MMAB: variants seen among roughly 807,000 people sequenced by gnomAD.
MMAB encodes corrinoid adenosyltransferase MMAB.
In MMAB, 17 loss-of-function variants were observed where a neutral mutation model predicts 30.6. That is an observed-to-expected ratio of 0.56 (90% CI 0.38 to 0.83). MMAB has a LOEUF of 0.83. Among genes scored for constraint, MMAB ranks in the 40% least tolerant of loss-of-function variants. The pLI is 0.00. For synonymous variants in MMAB, 134 were observed against 138.6 expected, an observed-to-expected ratio of 0.97 and a Z score of 0.23; for missense variants, 311 against 331.6, an observed-to-expected ratio of 0.94 and a Z score of 0.48.
In MMAB at chr12:109,561,547, C is replaced by T. The variant is rs774843809; in HGVS notation, c.422-30G>A. 5.9e-6 allele frequency: 9 copies of T among 1,527,152 alleles called. No homozygotes were observed. Among genetic ancestry groups the T allele is most frequent in the Non-Finnish European group, 8.0e-6 (9 of 1,131,160 alleles). The allele number at this position is 1,527,152 out of a possible 1,614,324, so 94.6% of individuals were successfully genotyped here. A position where few individuals can be genotyped will look rare whatever the true frequency, so the allele number is the denominator to read the frequency against. On this transcript the variant is annotated intron_variant, in intron 5 of 8. Transcript: ENST00000545712. The surrounding 1 kb of genome is among the most constrained non-coding windows in gnomAD (Gnocchi z 5.3). ...GGAGCCAAGGAGCAGAGGGAACTGC[C>T]ATGAGGCCATCACCCACCAGACCAT...
rs780938959 is a variant in MMAB, at chr12:109,555,289, T to TG, written c.*1738_*1739insC. On this transcript the variant is annotated 3_prime_UTR_variant, in exon 9 of 9. Transcript: ENST00000545712. Reference sequence around the variant, plus strand: ...GCGTTTTCAGGGTTTTTTTTTTTTTTTTTTTTTTTTTGTGACGGAGTCTCA... The same window carrying TG: ...GCGTTTTCAGGGTTTTTTTTTTTTTTGTTTTTTTTTTTGTGACGGAGTCTCA... The TG allele has an allele frequency of 1.4e-5, 6 of 421,708 alleles. No homozygotes were observed. In the African/African-American group the frequency reaches 1.4e-4, roughly 10 times the overall value. The allele number at this position is 421,708 out of a possible 1,614,324, so 26.1% of individuals were successfully genotyped here.
At chr12:109,563,280 G>A (rs1223909938) in intron 4 of MMAB, among the ~76,000 whole-genome samples, 1 of 152,240 alleles carries the variant, frequency 6.6e-6, no homozygotes, top group Admixed American at 6.5e-5. Flanking sequence ...GCCTGGCTGT[G>A]GGGGCTGGGC....
At position 109,553,854 on chromosome 12, in the gene MMAB, C is replaced by G. The variant is rs1425762075; in HGVS notation, c.*3174G>C. On this transcript the variant is annotated 3_prime_UTR_variant, in exon 9 of 9. Coordinates refer to ENST00000545712, the MANE Select transcript of MMAB (RefSeq NM_052845.4). ...AACTGAATGGGCTGTCGGAAGGTGTCGAGGCAGCAGCAAGGGTGACATTGC... is the reference window on the plus strand; with the variant it reads ...AACTGAATGGGCTGTCGGAAGGTGTGGAGGCAGCAGCAAGGGTGACATTGC... 2 of 453,888 alleles carry G rather than the reference C, an allele frequency of 4.4e-6. No individual in the cohort carries two copies. The highest frequency in any genetic ancestry group is 4.0e-5 in the African/African-American group (2 of 49,964). 28.1% of individuals were successfully genotyped at this position (453,888 alleles called of 1,614,324 possible). A position where few individuals can be genotyped will look rare whatever the true frequency, so the allele number is the denominator to read the frequency against.
intron 4 of MMAB, among the ~76,000 whole-genome samples, chr12:109,563,188 T>G (rs1318702072): frequency 6.6e-6 from 1 of 152,178 alleles, no homozygotes; most frequent in Non-Finnish European, 1.5e-5. Context: ...TACTACCCAC[T>G]TGGTTGGCCA....
intron 3 of MMAB, among the ~76,000 whole-genome samples, chr12:109,566,615 G>T (rs556401404): frequency 6.6e-6 from 1 of 152,376 alleles, no homozygotes; most frequent in Non-Finnish European, 1.5e-5. Flanking sequence ...CCTCGTAGCT[G>T]CCCAGTGAGT....
Position 109,556,024 on chromosome 12 carries a change from A to G in MMAB, c.*1004T>C. On this transcript the variant is annotated 3_prime_UTR_variant, in exon 9 of 9. Coordinates refer to ENST00000545712, the MANE Select transcript of MMAB (RefSeq NM_052845.4). ...CCTTCCAAAGTCATTTCCTGCAATT[A>G]GCAGCCTGCAGTCTTTAGGTTCTTG... The G allele has an allele frequency of 2.2e-6, 1 of 454,082 alleles. No homozygotes were observed. Among genetic ancestry groups the G allele is most frequent in the South Asian group, 1.6e-5 (1 of 64,476 alleles). The allele number at this position is 454,082 out of a possible 1,614,324, so 28.1% of individuals were successfully genotyped here. A position where few individuals can be genotyped will look rare whatever the true frequency, so the allele number is the denominator to read the frequency against.
chr12:109,572,239 AT>A (rs1457628296), intron 1 of MMAB, among the ~76,000 whole-genome samples: 1 of 150,100 alleles, frequency 6.7e-6, no homozygotes, highest in Non-Finnish European at 1.5e-5. Flanking sequence ...TTATTTATTT[AT>A]TTATTATTAT....
At chr12:109,568,912 A>G in intron 2 of MMAB, 49 bp from the exon 3 acceptor site, 1 of 1,317,048 alleles carries the variant, frequency 7.6e-7, no homozygotes, top group Non-Finnish European at 1.1e-6. Flanking sequence ...TGTTTTCCTG[A>G]TATGCTGTTT....
Position 109,554,060 on chromosome 12 carries a change from C to T in MMAB, c.*2968G>A. ...AGAGCCTGGCATTGTTCGCCACAGCCCAGGTAGTGATTAAAACGACTGTCA... is the reference window on the plus strand; with the variant it reads ...AGAGCCTGGCATTGTTCGCCACAGCTCAGGTAGTGATTAAAACGACTGTCA... On this transcript the variant is annotated 3_prime_UTR_variant, in exon 9 of 9. Coordinates refer to ENST00000545712, the MANE Select transcript of MMAB (RefSeq NM_052845.4). The T allele has an allele frequency of 4.4e-6, 2 of 454,056 alleles. 1 individual carries two copies. Among genetic ancestry groups the T allele is most frequent in the Non-Finnish European group, 8.8e-6 (2 of 226,776 alleles). 28.1% of individuals were successfully genotyped at this position (454,056 alleles called of 1,614,324 possible).
intron 4 of MMAB, among the ~76,000 whole-genome samples, 199 bp from the exon 5 acceptor site, chr12:109,562,051 G>A (rs1884232278): frequency 6.6e-6 from 1 of 152,176 alleles, no homozygotes; most frequent in Admixed American, 6.5e-5. Flanking sequence ...GGGCCTGGTG[G>A]GAGGTGATTG....
At position 109,568,768 on chromosome 12, in the gene MMAB, A is replaced by AC; in HGVS notation, c.290+1dup. 1 of 1,612,072 alleles carries AC rather than the reference A, an allele frequency of 6.2e-7. No homozygotes were observed. The highest frequency in any genetic ancestry group is 8.5e-7 in the Non-Finnish European group (1 of 1,178,080). On this transcript the variant is annotated splice_donor_variant, in intron 3 of 8. Transcript: ENST00000545712. LOFTEE classifies it high-confidence loss of function. ...CCTCAAGGCCAATCCTGTCCCCCTTACCCAATAGCTGAACTTAATTCATCT... is the reference window on the plus strand; with the variant it reads ...CCTCAAGGCCAATCCTGTCCCCCTTACCCCAATAGCTGAACTTAATTCATCT...
Position 109,573,415 on chromosome 12 carries a change from G to A in MMAB, c.66C>T (p.Phe22=), listed in dbSNP as rs765869812. Reference sequence around the variant, plus strand: ...GGGGATACAGGAGCCTGGCGGCGCCGAAGCACCCGCGCAGGCCAAGACGGC... The same window carrying A: ...GGGGATACAGGAGCCTGGCGGCGCCAAAGCACCCGCGCAGGCCAAGACGGC... ...LGSRLGLRGC[F]GAARLLYPRF... is the part of the protein sequence containing the mutation. Residue 22 remains phenylalanine, a synonymous_variant, in exon 1 of 9, where the codon TTC becomes TTT. Transcript: ENST00000545712. 24 of 1,610,022 alleles carry A rather than the reference G, an allele frequency of 1.5e-5. No homozygotes were observed. The highest frequency in any genetic ancestry group is 2.0e-5 in the Non-Finnish European group (23 of 1,179,168).
At position 109,558,229 on chromosome 12, in the gene MMAB, C is replaced by T. The variant is rs553805831; in HGVS notation, c.644+867G>A. ...CTGTTGCTTGTTGGCTCTGTGAAGC[C>T]TCACTGAGGAGATGAAATGGCCTGT... On this transcript the variant is annotated intron_variant, in intron 8 of 8. Transcript: ENST00000545712. This position sits in a 1 kb window ranked among gnomAD's most constrained non-coding sequence, Gnocchi z 4.3. Among the ~76,000 whole-genome samples, 205 of 152,324 alleles carry T rather than the reference C, an allele frequency of 1.3e-3. No individual in the cohort carries two copies. The highest frequency in any genetic ancestry group is 4.8e-3 in the African/African-American group (200 of 41,584).
At chr12:109,566,870 G>C in intron 3 of MMAB, 1 of 425,194 alleles carries the variant, frequency 2.4e-6, no homozygotes, top group Non-Finnish European at 4.8e-6. Context: ...TGCGAGAACT[G>C]GCCTTTTCTC....
intron 2 of MMAB, 56 bp from the exon 3 acceptor site, chr12:109,568,919 GTTTT>G: frequency 1.0e-6 from 1 of 953,532 alleles, no homozygotes; most frequent in Non-Finnish European, 1.6e-6. Context: ...CTGATATGCT[GTTTT>G]TTTTTTTTTA....
At chr12:109,563,426 C>T (rs1390222192) in intron 4 of MMAB, among the ~76,000 whole-genome samples, 1 of 152,216 alleles carries the variant, frequency 6.6e-6, no homozygotes, top group African/African-American at 2.4e-5. Context: ...ATCCACAGGC[C>T]CTGCGAGCGG....
chr12:109,556,703 C>A lies in MMAB; in HGVS notation c.*325G>T. ...ACACACACACACACACGGCTCCAGC[C>A]TTTCCAACTTTTATTCCTTTTCCGC... On this transcript the variant is annotated 3_prime_UTR_variant, in exon 9 of 9. Coordinates refer to ENST00000545712, the MANE Select transcript of MMAB (RefSeq NM_052845.4). The A allele has an allele frequency of 2.1e-6, 1 of 483,608 alleles. No individual in the cohort carries two copies. The highest frequency in any genetic ancestry group is 4.1e-6 in the Non-Finnish European group (1 of 246,626). The allele number at this position is 483,608 out of a possible 1,614,324, so 30.0% of individuals were successfully genotyped here.
rs886093880 is a variant in MMAB, at chr12:109,555,339, G to A, written c.*1689C>T. The A allele has an allele frequency of 9.6e-5, 41 of 425,606 alleles. No individual in the cohort carries two copies. Among genetic ancestry groups the A allele is most frequent in the Non-Finnish European group, 1.7e-4 (37 of 221,258 alleles). The allele number at this position is 425,606 out of a possible 1,614,324, so 26.4% of individuals were successfully genotyped here. A position where few individuals can be genotyped will look rare whatever the true frequency, so the allele number is the denominator to read the frequency against. On this transcript the variant is annotated 3_prime_UTR_variant, in exon 9 of 9. Coordinates refer to ENST00000545712, the MANE Select transcript of MMAB (RefSeq NM_052845.4). ...ACTCTATCAGCCAGGCTGGAGTGTC[G>A]TGTCACGATCTTGGCTCACTGCAGC...
chr12:109,572,898 T>C (rs72651710), intron 1 of MMAB, among the ~76,000 whole-genome samples: 11 of 152,184 alleles, frequency 7.2e-5, no homozygotes, highest in Non-Finnish European at 2.9e-5. Flanking sequence ...AAATGTGACA[T>C]TACAAGCCCA....
Sources: gnomAD v4.1 joint callset for allele counts (sites outside exome capture counted in the v4.1 genomes callset) on GRCh38, gnomAD v4.1.1 for gene constraint, Gnocchi (gnomAD v3.1) non-coding constraint, MANE v1.5 for transcripts, NCBI Gene and HGNC (gene_info 2026-07-23, HGNC 2026-07-21) for gene names.